Variants in F8 observed in about 807,000 individuals in gnomAD.
F8 encodes antihemophilic factor.
A neutral mutation model predicts 140.6 loss-of-function variants in F8; 12 were observed. The ratio of observed to expected loss-of-function variants is 0.09; its 90% CI spans 0.05 to 0.14. The LOEUF is 0.14. F8 is among the 10% of genes least tolerant of loss of function. F8 has a pLI of 1.00. For synonymous variants in F8, 585 were observed against 614.6 expected, an observed-to-expected ratio of 0.95 and a Z score of 0.71; for missense variants, 1,354 against 1,720.7, an observed-to-expected ratio of 0.79 and a Z score of 3.77.
At chrX:154,982,217 G>A (rs2073528541) in intron 6 of F8, among the ~76,000 whole-genome samples, 1 of 104,810 alleles carries the variant, frequency 9.5e-6, no homozygotes, top group South Asian at 4.3e-4. Context: ...GGAGGCCAAG[G>A]CGGGTGGATC....
intron 11 of F8, among the ~76,000 whole-genome samples, chrX:154,955,317 ATTTTTTTTTTTTT>A (rs34537569): frequency 3.0e-5 from 2 of 66,890 alleles, no homozygotes; most frequent in Non-Finnish European, 5.3e-5. Context: ...TGCCCAGCTA[ATTTTTTTTTTTTT>A]TTTTTTTTTT....
chrX:154,947,600 G>A lies in F8; in HGVS notation c.2113+98C>T. 6.1e-6 allele frequency: 4 copies of A among 657,459 alleles called. No homozygotes were observed. The South Asian group carries it at 6.6e-5, about 11-fold the overall frequency. The allele number at this position is 657,459 out of a possible 1,213,427, so 54.2% of individuals were successfully genotyped here. ...ATCCCTGTACCTCAAGGAAGAAAAT[G>A]CTATAAATGACAGCATGTGAGCTAG... On this transcript the variant is annotated intron_variant, in intron 13 of 25. Coordinates refer to ENST00000360256, the MANE Select transcript of F8 (RefSeq NM_000132.4).
chrX:154,849,098 T>C (rs985413946), intron 25 of F8, among the ~76,000 whole-genome samples: 1 of 110,978 alleles, frequency 9.0e-6, no homozygotes, highest in Non-Finnish European at 1.9e-5. Context: ...CTCACCCTCC[T>C]GAGTAACTGG....
intron 6 of F8, among the ~76,000 whole-genome samples, chrX:154,978,827 A>C (rs926559684): frequency 9.0e-6 from 1 of 111,069 alleles, no homozygotes; most frequent in Non-Finnish European, 1.9e-5. Context: ...CGGTGAATGT[A>C]GTAGCCTCTG....
intron 22 of F8, among the ~76,000 whole-genome samples, chrX:154,873,228 CTT>C (rs1190861463): frequency 1.3e-4 from 13 of 96,839 alleles, no homozygotes; most frequent in South Asian, 4.6e-4. Context: ...GCAAAGCAAT[CTT>C]TTTTTTTTTT....
intron 13 of F8, among the ~76,000 whole-genome samples, chrX:154,935,667 G>T (rs2073220152): frequency 9.0e-6 from 1 of 111,032 alleles, no homozygotes; most frequent in African/African-American, 3.3e-5. Flanking sequence ...AGTGACACAA[G>T]AATAAAAAGA....
intron 22 of F8, among the ~76,000 whole-genome samples, chrX:154,895,515 G>A (rs2072974194): frequency 9.0e-6 from 1 of 111,556 alleles, no homozygotes; most frequent in Non-Finnish European, 1.9e-5. Context: ...TGGCAACAGC[G>A]GTATAAATGG....
intron 25 of F8, among the ~76,000 whole-genome samples, chrX:154,841,724 T>A (rs1260089814): frequency 9.0e-6 from 1 of 111,413 alleles, no homozygotes; most frequent in Non-Finnish European, 1.9e-5. Flanking sequence ...ATATGTATAA[T>A]CCTTCAGTCT....
chrX:154,894,289 T>A (rs1290408491), intron 22 of F8, among the ~76,000 whole-genome samples: 22 of 112,798 alleles, frequency 2.0e-4, no homozygotes, highest in African/African-American at 7.1e-4. Context: ...TCAGAATAAA[T>A]CTCTTCAAAT....
chrX:154,904,072 T>C lies in F8; in HGVS notation c.5832A>G (p.Ile1944Met). 10 of 1,211,652 alleles carry C rather than the reference T, an allele frequency of 8.3e-6. No homozygotes were observed. The South Asian group carries it at 1.8e-4, about 21-fold the overall frequency. ...NYRFHAINGY[I>M]MDTLPGLVMA... Reference sequence around the variant, plus strand: ...TTACTAAGCCAGGTAGTGTATCCATTATGTAGCCATTGATTGCTGGAGAAG... The same window carrying C: ...TTACTAAGCCAGGTAGTGTATCCATCATGTAGCCATTGATTGCTGGAGAAG... The change falls in exon 18 of 26, where the codon ATA becomes ATG. Residue 1944 changes from isoleucine to methionine, a missense_variant. By Grantham distance (10) the Ile-to-Met change is conservative. This residue lies in a region of F8 where 316 missense variants were observed against 485.4 expected (regional missense o/e 0.65). Transcript: ENST00000360256.
chrX:154,871,403 A>T lies in F8; in HGVS notation c.6430-8176T>A, dbSNP rs183904721. On this transcript the variant is annotated intron_variant, in intron 22 of 25. Coordinates refer to ENST00000360256, the MANE Select transcript of F8 (RefSeq NM_000132.4). Reference sequence around the variant, plus strand: ...TCAGAAATAACACCACACAGTTACAACCATATGATCTTTGACAAACCTGAC... The same window carrying T: ...TCAGAAATAACACCACACAGTTACATCCATATGATCTTTGACAAACCTGAC... Among the ~76,000 whole-genome samples, 6 of 112,307 alleles carry T rather than the reference A, an allele frequency of 5.3e-5. No homozygotes were observed. In the East Asian group the frequency reaches 1.7e-3, roughly 31 times the overall value.
At chrX:154,940,321 G>T (rs1462493612) in intron 13 of F8, among the ~76,000 whole-genome samples, 1 of 112,182 alleles carries the variant, frequency 8.9e-6, no homozygotes, top group Non-Finnish European at 1.9e-5. Flanking sequence ...AGTGGTTAAA[G>T]GACCTGATGG....
chrX:154,973,295 A>G (rs1557282745), intron 6 of F8, among the ~76,000 whole-genome samples: 1 of 112,191 alleles, frequency 8.9e-6, no homozygotes, highest in African/African-American at 3.2e-5. Flanking sequence ...TGATGCCTCC[A>G]GGTTTATTCT....
intron 6 of F8, among the ~76,000 whole-genome samples, chrX:154,976,440 A>G (rs187549275): frequency 3.6e-5 from 4 of 110,125 alleles, no homozygotes; most frequent in Non-Finnish European, 1.9e-5. Flanking sequence ...TATTTTTATT[A>G]TACTTTAAGT....
At chrX:154,913,109 G>GA (rs2073076672) in intron 14 of F8, among the ~76,000 whole-genome samples, 1 of 111,179 alleles carries the variant, frequency 9.0e-6, no homozygotes, top group African/African-American at 3.3e-5. Context: ...TCAATTAATT[G>GA]AAAAAATGAA....
chrX:154,962,665 A>C (rs2073401291), intron 9 of F8, among the ~76,000 whole-genome samples: 1 of 111,744 alleles, frequency 8.9e-6, no homozygotes, highest in Admixed American at 9.5e-5. Flanking sequence ...CAGGACTTCA[A>C]GACCAGCCTG....
chrX:154,902,117 C>T lies in F8; in HGVS notation c.6049G>A (p.Val2017Met), dbSNP rs1161974378. ...AGATGCTCGCCAATAAGGCATTCCA[C>T]CCGCCAAATTCCAGCTTTGGATGGT... ...MLPSKAGIWR[V>M]ECLIGEHLHA... Residue 2017 changes from valine to methionine, a missense_variant, in exon 19 of 26, where the codon GTG becomes ATG. Around this residue, in one of 4 missense-constraint regions of F8, gnomAD observed 316 missense variants for 485.4 expected, o/e 0.65. Coordinates refer to ENST00000360256, the MANE Select transcript of F8 (RefSeq NM_000132.4). The T allele has an allele frequency of 2.5e-6, 3 of 1,211,115 alleles. No homozygotes were observed. The highest frequency in any genetic ancestry group is 3.4e-6 in the Non-Finnish European group (3 of 894,841).
intron 1 of F8, among the ~76,000 whole-genome samples, chrX:155,004,927 G>C (rs1412774344): frequency 2.7e-5 from 3 of 111,426 alleles, no homozygotes; most frequent in Non-Finnish European, 5.7e-5. Context: ...TAGATCAATG[G>C]CCATCGTTTA....
intron 25 of F8, among the ~76,000 whole-genome samples, chrX:154,844,572 T>C (rs1379935584): frequency 9.0e-6 from 1 of 110,642 alleles, no homozygotes; most frequent in Non-Finnish European, 1.9e-5. Flanking sequence ...GGGAGTTCAC[T>C]CATGATTTGG....
Sources: gnomAD v4.1 joint callset for allele counts (sites outside exome capture counted in the v4.1 genomes callset) on GRCh38, gnomAD v4.1.1 for gene constraint, gnomAD v4.1.1 regional missense constraint, MANE v1.5 for transcripts, NCBI Gene and HGNC (gene_info 2026-07-23, HGNC 2026-07-21) for gene names.